FBXO11: variants seen among roughly 807,000 people sequenced by gnomAD.
The protein encoded by FBXO11 is F-box protein 11.
In FBXO11, 13 loss-of-function variants were observed where a neutral mutation model predicts 117.0. That is an observed-to-expected ratio of 0.11 (90% CI 0.07 to 0.18). The LOEUF (loss-of-function observed/expected upper bound fraction) is 0.18, where lower values mean the gene tolerates loss of function less well. Ranked by LOEUF, FBXO11 falls within the 10% of genes least tolerant of loss-of-function variation. The probability of loss-of-function intolerance (pLI) is 1.00; values close to 1 mark genes in which losing one functional copy is unlikely to be tolerated. For missense variants in FBXO11, 767 were observed against 1,164.4 expected, an observed-to-expected ratio of 0.66 and a Z score of 4.97; for synonymous variants, 490 against 380.5, an observed-to-expected ratio of 1.29 and a Z score of -3.35.
At chr2:47,848,576 T>C (rs1049270298) in intron 1 of FBXO11, among the ~76,000 whole-genome samples, 2 of 152,200 alleles carry the variant, frequency 1.3e-5, no homozygotes, top group South Asian at 2.1e-4. Context: ...AGTATGCTAT[T>C]TGCACACACA....
intron 1 of FBXO11, among the ~76,000 whole-genome samples, chr2:47,855,873 G>A (rs1674254643): frequency 6.6e-6 from 1 of 150,878 alleles, no homozygotes; most frequent in Non-Finnish European, 1.5e-5. Context: ...GCCTGGTGAA[G>A]CAAAGTAGAA....
chr2:47,850,653 A>G (rs192399955), intron 1 of FBXO11, among the ~76,000 whole-genome samples: 15 of 152,350 alleles, frequency 9.8e-5, no homozygotes. Flanking sequence ...TAAGTAAAAA[A>G]TGTCTGTGGG....
chr2:47,896,769 AAGT>A (rs1359821511), intron 1 of FBXO11, among the ~76,000 whole-genome samples: 1 of 152,244 alleles, frequency 6.6e-6, no homozygotes, highest in Non-Finnish European at 1.5e-5. Context: ...TGTAAGTGTG[AAGT>A]AGTATAGTGG....
intron 1 of FBXO11, among the ~76,000 whole-genome samples, chr2:47,899,387 C>G (rs1487945887): frequency 1.3e-5 from 2 of 151,816 alleles, no homozygotes; most frequent in Admixed American, 1.3e-4. Flanking sequence ...TTATATACAG[C>G]TGATACAATC....
At chr2:47,856,180 A>G (rs1674278956) in intron 1 of FBXO11, among the ~76,000 whole-genome samples, 1 of 152,220 alleles carries the variant, frequency 6.6e-6, no homozygotes, top group African/African-American at 2.4e-5. Flanking sequence ...AACAAAGGAC[A>G]CAGTGATATG....
chr2:47,837,769 C>A (rs562175549), intron 4 of FBXO11, among the ~76,000 whole-genome samples: 4 of 152,176 alleles, frequency 2.6e-5, no homozygotes, highest in African/African-American at 9.6e-5. Flanking sequence ...CTCCGTCTGC[C>A]GCCCAGGCTG....
intron 1 of FBXO11, among the ~76,000 whole-genome samples, chr2:47,858,681 CAAAA>C (rs902232765): frequency 3.0e-5 from 2 of 67,486 alleles, no homozygotes; most frequent in Non-Finnish European, 2.9e-5. Flanking sequence ...GACTCTGCCT[CAAAA>C]AAAAAAAAAA....
At chr2:47,846,206 C>G (rs967755953) in intron 1 of FBXO11, among the ~76,000 whole-genome samples, 3 of 152,144 alleles carry the variant, frequency 2.0e-5, no homozygotes. Context: ...GTGGCTCATG[C>G]CTGTAAATCC....
In FBXO11 at chr2:47,839,409, C is replaced by T. The variant is rs368019046; in HGVS notation, c.442+10G>A. The T allele has an allele frequency of 6.3e-7, 1 of 1,597,218 alleles. No individual in the cohort carries two copies. Among genetic ancestry groups the T allele is most frequent in the East Asian group, 2.2e-5 (1 of 44,810 alleles). Reference sequence around the variant, plus strand: ...TTTTACCCTATTTGTTACTTTCCCACAGGAAATACCTGATAGATCTTGTGA... The same window carrying T: ...TTTTACCCTATTTGTTACTTTCCCATAGGAAATACCTGATAGATCTTGTGA... On this transcript the variant is annotated intron_variant, in intron 3 of 22. Transcript: ENST00000403359.
At position 47,877,963 on chromosome 2, in the gene FBXO11, G is replaced by A. The variant is rs531458005; in HGVS notation, c.232+27526C>T. Reference sequence around the variant, plus strand: ...CTCCCAAAGTGCTGGGATTACAGGCGTGAGCCACCGTGCCTGGCCCAGAAT... The same window carrying A: ...CTCCCAAAGTGCTGGGATTACAGGCATGAGCCACCGTGCCTGGCCCAGAAT... On this transcript the variant is annotated intron_variant, in intron 1 of 22. Transcript: ENST00000403359. Among the ~76,000 whole-genome samples the A allele has an allele frequency of 3.3e-5, 5 of 152,254 alleles. No homozygotes were observed. In the South Asian group the frequency reaches 8.3e-4, roughly 25 times the overall value.
chr2:47,864,314 G>T (rs375277709), intron 1 of FBXO11, among the ~76,000 whole-genome samples: 1 of 152,160 alleles, frequency 6.6e-6, no homozygotes, highest in South Asian at 2.1e-4. Flanking sequence ...TTGGCTGGGC[G>T]TGGTGGCTCA....
chr2:47,903,432 T>C (rs1337156904), intron 1 of FBXO11, among the ~76,000 whole-genome samples: 4 of 152,178 alleles, frequency 2.6e-5, no homozygotes, highest in African/African-American at 9.7e-5. Context: ...TGACAGTTTA[T>C]AGACATCAAT....
chr2:47,868,289 A>AG (rs1011644504), intron 1 of FBXO11, among the ~76,000 whole-genome samples: 2 of 151,572 alleles, frequency 1.3e-5, no homozygotes, highest in African/African-American at 4.8e-5. Flanking sequence ...CTCCAAAAAA[A>AG]AAAAAAAAAA....
At chr2:47,816,834 A>G (rs1178925205) in intron 16 of FBXO11, among the ~76,000 whole-genome samples, 1 of 152,162 alleles carries the variant, frequency 6.6e-6, no homozygotes, top group African/African-American at 2.4e-5. Flanking sequence ...TTCATGTGCT[A>G]TCATCCATGA....
Position 47,809,727 on chromosome 2 carries a change from C to G in FBXO11, c.2339-20G>C. The G allele has an allele frequency of 6.7e-7, 1 of 1,483,006 alleles. No homozygotes were observed. The highest frequency in any genetic ancestry group is 9.4e-7 in the Non-Finnish European group (1 of 1,062,616). 91.9% of individuals were successfully genotyped at this position (1,483,006 alleles called of 1,614,324 possible). ...CAATACCTGAAGTAAAATTTACAAA[C>G]AAGTAGATACATCACTTTATACTGC... On this transcript the variant is annotated intron_variant, in intron 19 of 22. Coordinates refer to ENST00000403359, the MANE Select transcript of FBXO11 (RefSeq NM_001190274.2).
At chr2:47,848,425 T>A (rs1409656086) in intron 1 of FBXO11, among the ~76,000 whole-genome samples, 1 of 152,216 alleles carries the variant, frequency 6.6e-6, no homozygotes, top group African/African-American at 2.4e-5. Context: ...TGTCTGATGA[T>A]CTGAGGTGAA....
Position 47,808,395 on chromosome 2 carries a change from G to A in FBXO11, c.2588C>T (p.Ala863Val). ...CHTCNTTDRN[A>V]ICVNCIKKCH... ...CTTCTTAATGCAGTTCACACATATG[G>A]CATTTCGATCTGTGGTGTTACAAGT... Residue 863 changes from alanine to valine, a missense_variant, in exon 22 of 23, where the codon GCC becomes GTC. By Grantham distance (64) the Ala-to-Val change is moderately conservative. This residue lies in a region of FBXO11 where 47 missense variants were observed against 117.3 expected (regional missense o/e 0.40). Coordinates refer to ENST00000403359, the MANE Select transcript of FBXO11 (RefSeq NM_001190274.2). 1 of 1,607,154 alleles carries A rather than the reference G, an allele frequency of 6.2e-7. No homozygotes were observed.
intron 1 of FBXO11, among the ~76,000 whole-genome samples, chr2:47,887,940 C>T (rs1211049274): frequency 6.6e-6 from 1 of 152,012 alleles, no homozygotes; most frequent in Non-Finnish European, 1.5e-5. Context: ...ATCTCTTGAG[C>T]CTAGCAGTTC....
rs772219832 is a variant in FBXO11 at position 47,832,490 on chromosome 2, C to A, written c.1261-4G>T. On this transcript the variant is annotated splice_polypyrimidine_tract_variant and splice_region_variant and intron_variant, in intron 10 of 22. Transcript: ENST00000403359. ...TTTCATTATCCTCATATATTCCCTA[C>A]AACAAGTTATCAGAAACAAACATCA... The A allele has an allele frequency of 3.4e-5, 55 of 1,611,286 alleles. No homozygotes were observed. The highest frequency in any genetic ancestry group is 4.4e-5 in the Non-Finnish European group (52 of 1,178,906).
Sources: gnomAD v4.1 joint callset for allele counts (sites outside exome capture counted in the v4.1 genomes callset) on GRCh38, gnomAD v4.1.1 for gene constraint, gnomAD v4.1.1 regional missense constraint, MANE v1.5 for transcripts, NCBI Gene and HGNC (gene_info 2026-07-23, HGNC 2026-07-21) for gene names.